Variants in NRG3 observed in about 807,000 individuals in gnomAD.
NRG3 encodes neuregulin 3, also known as pro-neuregulin-3, membrane-bound isoform.
NRG3 carries 31 observed loss-of-function variants against 66.9 expected under a neutral mutation model. The ratio of observed to expected loss-of-function variants is 0.46; its 90% confidence interval spans 0.35 to 0.63. The LOEUF (loss-of-function observed/expected upper bound fraction) is 0.63, where lower values mean the gene tolerates loss of function less well. Ranked by LOEUF, NRG3 falls within the 20% of genes least tolerant of loss-of-function variation. The probability of loss-of-function intolerance (pLI) is 0.00; values close to 1 mark genes in which losing one functional copy is unlikely to be tolerated. For missense variants in NRG3, 910 were observed against 878.9 expected (o/e 1.04, Z -0.45); for synonymous variants, 393 against 359.4 (o/e 1.09, Z -1.06).
chr10:82,218,883 G>C (rs1478336124), intron 1 of NRG3, among the ~76,000 whole-genome samples: 3 of 152,140 alleles, frequency 2.0e-5, no homozygotes, highest in Non-Finnish European at 4.4e-5. Flanking sequence ...TAGATGAGCT[G>C]ATTGCATCTA....
At chr10:82,672,910 C>T (rs564902561) in intron 2 of NRG3, among the ~76,000 whole-genome samples, 4 of 152,270 alleles carry the variant, frequency 2.6e-5, no homozygotes, top group South Asian at 2.1e-4. Flanking sequence ...CCACCACACC[C>T]GGCTAATTTT....
intron 6 of NRG3, among the ~76,000 whole-genome samples, chr10:82,961,384 C>T (rs1564669356): frequency 1.3e-5 from 2 of 152,112 alleles, no homozygotes; most frequent in South Asian, 2.1e-4. Context: ...GTTAAAGAAA[C>T]AAATTAATAT....
At chr10:82,021,628 A>G (rs973904667) in intron 1 of NRG3, among the ~76,000 whole-genome samples, 4 of 152,100 alleles carry the variant, frequency 2.6e-5, no homozygotes, top group Non-Finnish European at 4.4e-5. Context: ...GAGAGTCTCA[A>G]ATTCACTTGT....
chr10:82,251,200 C>G (rs986626863), intron 1 of NRG3, among the ~76,000 whole-genome samples: 2 of 152,120 alleles, frequency 1.3e-5, no homozygotes, highest in Non-Finnish European at 2.9e-5. Context: ...TAGTTCTCAC[C>G]TCTAACAACC....
Position 81,875,679 on chromosome 10 carries a change from C to T in NRG3, c.339C>T (p.Phe113=). The T allele has an allele frequency of 1.9e-6, 3 of 1,613,926 alleles. No homozygotes were observed. In the South Asian group the frequency reaches 3.3e-5, roughly 18 times the overall value. ...CCAAGGGGATGGGCCAGGACCCCTT[C>T]TTCCTCTCCAAGCCCAGCTCTTTCC... ...VDSKGMGQDP[F]FLSKPSSFPK... is the part of the protein sequence containing the mutation. The change falls in exon 1 of 9, where the codon TTC becomes TTT. Residue 113 remains phenylalanine (F), a synonymous_variant. Coordinates refer to ENST00000372141, the MANE Select transcript of NRG3 (RefSeq NM_001010848.4). This position sits in a 1 kb window ranked among gnomAD's most constrained non-coding sequence, Gnocchi z 5.3.
At chr10:82,551,604 C>CT (rs2044309669) in intron 2 of NRG3, among the ~76,000 whole-genome samples, 1 of 118,226 alleles carries the variant, frequency 8.5e-6, no homozygotes, top group African/African-American at 4.3e-5. Context: ...TTTTAAAATA[C>CT]TGTTTTTTTT....
intron 2 of NRG3, among the ~76,000 whole-genome samples, chr10:82,737,470 G>T (rs1212835932): frequency 6.6e-6 from 1 of 152,110 alleles, no homozygotes; most frequent in South Asian, 2.1e-4. Context: ...TTGACAGAAC[G>T]GCCTCTTTGA....
chr10:82,821,793 T>A (rs1051382917), intron 3 of NRG3, among the ~76,000 whole-genome samples: 1 of 152,126 alleles, frequency 6.6e-6, no homozygotes, highest in African/African-American at 2.4e-5. Flanking sequence ...CAACTTACAC[T>A]CATCACTACT....
intron 1 of NRG3, among the ~76,000 whole-genome samples, chr10:81,953,344 T>G (rs1404496434): frequency 6.6e-6 from 1 of 152,158 alleles, no homozygotes; most frequent in Non-Finnish European, 1.5e-5. Flanking sequence ...ATCCTTCTCT[T>G]GATGGCTATT....
chr10:82,229,404 T>C (rs564275800), intron 1 of NRG3, among the ~76,000 whole-genome samples: 1 of 152,078 alleles, frequency 6.6e-6, no homozygotes, highest in Admixed American at 6.5e-5. Context: ...AAACAGAAAT[T>C]CAGGAAGAAA....
intron 3 of NRG3, among the ~76,000 whole-genome samples, chr10:82,820,432 A>C (rs1436414032): frequency 1.3e-5 from 2 of 152,032 alleles, no homozygotes; most frequent in East Asian, 3.9e-4. Flanking sequence ...GAAACACCTT[A>C]TGGTTTTCTC....
chr10:82,709,117 A>G (rs1325974811), intron 2 of NRG3, among the ~76,000 whole-genome samples: 1 of 152,152 alleles, frequency 6.6e-6, no homozygotes, highest in Non-Finnish European at 1.5e-5. Context: ...GGCTCTGTCC[A>G]ATCAGGCAGC....
chr10:82,679,591 G>A (rs77083946), intron 2 of NRG3, among the ~76,000 whole-genome samples: 2,950 of 152,262 alleles, frequency 0.019, 86 homozygotes, highest in African/African-American at 0.066. Context: ...AAAGCTGCTT[G>A]TTCAAAAATT....
intron 1 of NRG3, among the ~76,000 whole-genome samples, chr10:82,190,664 C>T (rs2074089099): frequency 6.6e-6 from 1 of 152,168 alleles, no homozygotes; most frequent in Non-Finnish European, 1.5e-5. Context: ...TTGGTTTACT[C>T]CTCTGTGCCT....
chr10:82,386,894 G>A (rs896299386), intron 2 of NRG3, among the ~76,000 whole-genome samples: 1 of 152,088 alleles, frequency 6.6e-6, no homozygotes, highest in Admixed American at 6.6e-5. Context: ...CCTCCTCCCG[G>A]GTTCAAGCTA....
intron 1 of NRG3, among the ~76,000 whole-genome samples, chr10:82,086,425 C>A (rs1046247393): frequency 3.3e-5 from 5 of 151,718 alleles, no homozygotes; most frequent in Non-Finnish European, 5.9e-5. Context: ...TTTTTAAAGA[C>A]TGTACTCCTC....
chr10:82,002,884 C>T (rs142147649), intron 1 of NRG3, among the ~76,000 whole-genome samples: 6 of 152,136 alleles, frequency 3.9e-5, no homozygotes, highest in Non-Finnish European at 7.4e-5. Context: ...GTGCTAAGTG[C>T]CAGGCATTAT....
At chr10:82,389,425 T>C (rs1337918001) in intron 2 of NRG3, among the ~76,000 whole-genome samples, 1 of 152,210 alleles carries the variant, frequency 6.6e-6, no homozygotes, top group Admixed American at 6.6e-5. Flanking sequence ...GATTTTCTTA[T>C]TTTACTTCAC....
intron 1 of NRG3, among the ~76,000 whole-genome samples, chr10:82,264,387 G>GC (rs555021758): frequency 1.3e-5 from 2 of 152,124 alleles, no homozygotes; most frequent in South Asian, 2.1e-4. Flanking sequence ...CATGAGAACA[G>GC]CCCGGGGGAA....
Sources: allele counts gnomAD v4.1 joint callset (sites outside exome capture counted in the v4.1 genomes callset), GRCh38; gene constraint gnomAD v4.1.1; non-coding constraint Gnocchi (gnomAD v3.1); transcripts MANE v1.5; gene names NCBI Gene and HGNC (gene_info 2026-07-23, HGNC 2026-07-21).